PHF21B: variants seen among roughly 807,000 people sequenced by gnomAD.
PHF21B encodes the protein PHD finger protein 4.
PHF21B carries 22 observed loss-of-function variants against 62.2 expected under a neutral mutation model. The observed-to-expected ratio is 0.35, with a 90% CI of 0.25 to 0.51. PHF21B has a LOEUF of 0.51. Ranked by LOEUF, PHF21B falls within the 20% of genes least tolerant of loss-of-function variation. The pLI, the probability that PHF21B is intolerant of heterozygous loss-of-function variation, is 0.97. For missense variants in PHF21B, 701 were observed against 707.9 expected, an observed-to-expected ratio of 0.99 and a Z score of 0.11; for synonymous variants, 341 against 314.7, an observed-to-expected ratio of 1.08 and a Z score of -0.88.
intron 2 of PHF21B, among the ~76,000 whole-genome samples, chr22:44,939,321 G>A (rs1264340341): frequency 1.3e-5 from 2 of 152,230 alleles, no homozygotes; most frequent in East Asian, 3.9e-4. Flanking sequence ...AGGAGAGAGG[G>A]CTGTGGGTAG....
intron 2 of PHF21B, among the ~76,000 whole-genome samples, chr22:44,963,770 A>G (rs1047402502): frequency 2.6e-5 from 4 of 152,166 alleles, no homozygotes; most frequent in African/African-American, 4.8e-5. Flanking sequence ...GACAAACACC[A>G]CCAAAGTTCG....
chr22:44,908,302 C>A (rs6007382), intron 5 of PHF21B, among the ~76,000 whole-genome samples: 14,992 of 152,202 alleles, frequency 0.099, 779 homozygotes, highest in African/African-American at 0.14. Context: ...CATGGGCTAA[C>A]AACAGTCCCT....
chr22:44,998,295 C>G (rs908750920), intron 2 of PHF21B, among the ~76,000 whole-genome samples: 1 of 152,226 alleles, frequency 6.6e-6, no homozygotes, highest in Non-Finnish European at 1.5e-5. Context: ...ATGCAGGACG[C>G]AGCAACTCTC....
intron 2 of PHF21B, among the ~76,000 whole-genome samples, chr22:44,929,064 G>A (rs1203868239): frequency 6.6e-6 from 1 of 152,264 alleles, no homozygotes; most frequent in Non-Finnish European, 1.5e-5. Context: ...CACAGCCACA[G>A]AGCACGGCAA....
chr22:44,904,019 G>GA (rs887624569), intron 5 of PHF21B, among the ~76,000 whole-genome samples: 2 of 151,130 alleles, frequency 1.3e-5, no homozygotes, highest in African/African-American at 2.4e-5. Context: ...TACTTCTTGG[G>GA]AAAAAAAAGC....
chr22:44,924,042 G>C (rs2071585262), intron 2 of PHF21B, among the ~76,000 whole-genome samples: 1 of 113,828 alleles, frequency 8.8e-6, no homozygotes, highest in Non-Finnish European at 1.8e-5. Context: ...AGAAGAAAGA[G>C]GAGGAAGAAG....
At chr22:44,934,983 G>A (rs958233034) in intron 2 of PHF21B, among the ~76,000 whole-genome samples, 27 of 152,324 alleles carry the variant, frequency 1.8e-4, no homozygotes, top group African/African-American at 6.0e-4. Flanking sequence ...TGGAGAGGAG[G>A]ACAGTCCCTG....
intron 2 of PHF21B, among the ~76,000 whole-genome samples, chr22:44,944,698 G>A (rs941438188): frequency 1.9e-4 from 29 of 152,298 alleles, no homozygotes; most frequent in African/African-American, 6.5e-4. Flanking sequence ...GCCTTCGAAC[G>A]GGAATGTCTG....
intron 4 of PHF21B, 95 bp downstream of exon 4, chr22:44,916,185 C>T (rs2071428063): frequency 8.3e-7 from 1 of 1,206,020 alleles, no homozygotes; most frequent in Non-Finnish European, 1.2e-6. Context: ...ATTCATCCTG[C>T]CTGGGCTTGT....
intron 12 of PHF21B, among the ~76,000 whole-genome samples, chr22:44,883,704 A>C (rs1202660324): frequency 6.6e-6 from 1 of 152,034 alleles, no homozygotes; most frequent in Non-Finnish European, 1.5e-5. Context: ...TGCACAACAC[A>C]CTGTCTCTCT....
rs189648157 is a variant in PHF21B at position 44,924,492 on chromosome 22, G to A, written c.121-4002C>T. ...AGATGGGGCCTCCGGGAGGTGATCC[G>A]GTCATGAGGGTGGAGCCCTCAGTTA... On this transcript the variant is annotated intron_variant, in intron 2 of 12. Transcript: ENST00000313237. Among the ~76,000 whole-genome samples the A allele has an allele frequency of 4.5e-4, 68 of 152,302 alleles. 1 individual carries two copies. In the East Asian group the frequency reaches 0.013, roughly 28 times the overall value.
At chr22:44,944,406 A>G (rs1429682323) in intron 2 of PHF21B, among the ~76,000 whole-genome samples, 1 of 152,164 alleles carries the variant, frequency 6.6e-6, no homozygotes, top group Admixed American at 6.5e-5. Context: ...GTTTCCATCC[A>G]TTCCTCCTCT....
At chr22:44,940,039 G>C (rs539262440) in intron 2 of PHF21B, among the ~76,000 whole-genome samples, 136 of 152,250 alleles carry the variant, frequency 8.9e-4, no homozygotes, top group African/African-American at 2.9e-3. Flanking sequence ...CAGTGGGGTG[G>C]GGACTCAGGC....
intron 2 of PHF21B, among the ~76,000 whole-genome samples, chr22:44,946,501 T>C (rs1043307656): frequency 1.3e-5 from 2 of 151,922 alleles, no homozygotes; most frequent in Admixed American, 1.3e-4. Context: ...GTCCTGTTAT[T>C]ATGGATGGAT....
intron 3 of PHF21B, among the ~76,000 whole-genome samples, chr22:44,919,660 C>G (rs2071499759): frequency 6.6e-6 from 1 of 152,232 alleles, no homozygotes; most frequent in South Asian, 2.1e-4. Flanking sequence ...CAGCCTCTGG[C>G]CCAGTATGCT....
Position 44,891,494 on chromosome 22 carries a change from T to G in PHF21B, c.961-134A>C, listed in dbSNP as rs531551976. On this transcript the variant is annotated intron_variant, in intron 7 of 12. Transcript: ENST00000313237. ...CTCCAGGCTCTGGCTGGACACCCCCTGCCAGGGGCAGAAATAGGAACAAAT... is the reference window on the plus strand; with the variant it reads ...CTCCAGGCTCTGGCTGGACACCCCCGGCCAGGGGCAGAAATAGGAACAAAT... The G allele has an allele frequency of 2.7e-5, 27 of 997,672 alleles. 1 individual carries two copies. The South Asian group carries it at 4.0e-4, about 15-fold the overall frequency. The allele number at this position is 997,672 out of a possible 1,614,324, so 61.8% of individuals were successfully genotyped here. A position where few individuals can be genotyped will look rare whatever the true frequency, so the allele number is the denominator to read the frequency against.
At chr22:44,946,149 CG>C (rs2072064969) in intron 2 of PHF21B, among the ~76,000 whole-genome samples, 1 of 146,874 alleles carries the variant, frequency 6.8e-6, no homozygotes, top group Non-Finnish European at 1.5e-5. Context: ...AGAGTGGTCA[CG>C]GAAGGCTTCC....
chr22:44,893,420 C>A, intron 7 of PHF21B, 37 bp downstream of exon 7: 1 of 1,563,620 alleles, frequency 6.4e-7, no homozygotes, highest in East Asian at 2.3e-5. Flanking sequence ...TGGGAGCCCC[C>A]ACCCTCCTGG....
chr22:44,965,630 C>G (rs566386559), intron 2 of PHF21B, among the ~76,000 whole-genome samples: 1 of 152,204 alleles, frequency 6.6e-6, no homozygotes, highest in Non-Finnish European at 1.5e-5. Context: ...CCCGGCCCCC[C>G]AGGTGTTCTG....
Sources: gnomAD v4.1 joint callset for allele counts (sites outside exome capture counted in the v4.1 genomes callset) on GRCh38, gnomAD v4.1.1 for gene constraint, MANE v1.5 for transcripts, NCBI Gene and HGNC (gene_info 2026-07-23, HGNC 2026-07-21) for gene names.